The following DLGAP2 variants were observed in gnomAD, a reference collection of about 807,000 sequenced individuals.
The protein encoded by DLGAP2 is disks large-associated protein 2.
Under a neutral mutation model 100.3 loss-of-function variants are expected in DLGAP2, and 26 were observed. That is an observed-to-expected ratio of 0.26 (90% confidence interval 0.19 to 0.36). The LOEUF (loss-of-function observed/expected upper bound fraction) is 0.36. Ranked by LOEUF, DLGAP2 falls within the 10% of genes least tolerant of loss-of-function variation. DLGAP2 has a pLI of 1.00. For synonymous variants in DLGAP2, 886 were observed against 630.1 expected (o/e 1.41, Z -6.08); for missense variants, 1,858 against 1,453.2 (o/e 1.28, Z -4.53).
chr8:880,876 C>T (rs1797776273), intron 1 of DLGAP2, among the ~76,000 whole-genome samples: 1 of 152,230 alleles, frequency 6.6e-6, no homozygotes, highest in South Asian at 2.1e-4. Flanking sequence ...GGGTGGGTGC[C>T]TCCTCCATGC....
chr8:1,435,646 T>C (rs926314243), intron 3 of DLGAP2, among the ~76,000 whole-genome samples: 2 of 151,678 alleles, frequency 1.3e-5, no homozygotes, highest in African/African-American at 4.8e-5. Context: ...CTTCTGCTTG[T>C]GGAAAACCAT....
At chr8:1,362,098 C>T (rs1005081498) in intron 3 of DLGAP2, among the ~76,000 whole-genome samples, 1 of 42,334 alleles carries the variant, frequency 2.4e-5, no homozygotes. Context: ...AGCTGGGACT[C>T]GGGGAGTTAG....
intron 2 of DLGAP2, among the ~76,000 whole-genome samples, chr8:1,225,133 C>T (rs539749162): frequency 1.1e-4 from 17 of 152,320 alleles, no homozygotes; most frequent in South Asian, 2.1e-4. Context: ...GCGGGAGCGT[C>T]CATGCTCACA....
chr8:1,451,558 C>G (rs1408931760), intron 3 of DLGAP2, among the ~76,000 whole-genome samples: 1 of 152,128 alleles, frequency 6.6e-6, no homozygotes, highest in East Asian at 1.9e-4. Context: ...AGCATCGCCT[C>G]TGGCCTCATC....
In DLGAP2 at chr8:1,670,088, A is replaced by G. The variant is rs537236323; in HGVS notation, c.2202+304A>G. On this transcript the variant is annotated intron_variant, in intron 10 of 14. Coordinates refer to ENST00000637795, the MANE Select transcript of DLGAP2 (RefSeq NM_001346810.2). ...GCAGTAGAGACTGGAGAGGCCCCCAAATTAGCCAGGTGACTTCCCATTGCC... is the reference window on the plus strand; with the variant it reads ...GCAGTAGAGACTGGAGAGGCCCCCAGATTAGCCAGGTGACTTCCCATTGCC... 2.6e-5 allele frequency among the ~76,000 whole-genome samples: 4 copies of G among 151,930 alleles called. No individual in the cohort carries two copies. The East Asian group carries it at 5.8e-4, about 22-fold the overall frequency.
intron 3 of DLGAP2, among the ~76,000 whole-genome samples, chr8:1,320,658 C>A (rs978086958): frequency 1.3e-5 from 2 of 152,170 alleles, no homozygotes; most frequent in African/African-American, 4.8e-5. Flanking sequence ...TCCCCAAGCA[C>A]GACATTCTCA....
intron 1 of DLGAP2, among the ~76,000 whole-genome samples, chr8:853,609 C>T (rs1432512326): frequency 1.3e-5 from 2 of 152,210 alleles, no homozygotes; most frequent in Admixed American, 1.3e-4. Context: ...CATCCAAGTT[C>T]TCAGATATAG....
chr8:1,138,082 C>G (rs1412922557), intron 2 of DLGAP2, among the ~76,000 whole-genome samples: 2 of 152,256 alleles, frequency 1.3e-5, no homozygotes, highest in African/African-American at 4.8e-5. Context: ...CCCGCTGACA[C>G]CGGGATGGCA....
At chr8:1,583,303 A>G (rs6558485) in intron 6 of DLGAP2, among the ~76,000 whole-genome samples, 87,322 of 151,962 alleles carry the variant, frequency 0.57, 26,023 homozygotes, top group African/African-American at 0.75. Flanking sequence ...CCAGCTATTG[A>G]TGGACGCATC....
chr8:1,517,285 C>A (rs550475679), intron 4 of DLGAP2, among the ~76,000 whole-genome samples: 40 of 152,172 alleles, frequency 2.6e-4, no homozygotes, highest in African/African-American at 9.4e-4. Context: ...GAAAAAGGAC[C>A]CTGAAGAGTT....
chr8:1,061,247 G>A (rs771841003), intron 2 of DLGAP2, among the ~76,000 whole-genome samples: 45 of 152,218 alleles, frequency 3.0e-4, no homozygotes, highest in African/African-American at 5.5e-4. Flanking sequence ...GAATAGTTGC[G>A]GGGAAATTTT....
chr8:1,544,388 G>C (rs1394980300), intron 4 of DLGAP2, among the ~76,000 whole-genome samples: 1 of 152,188 alleles, frequency 6.6e-6, no homozygotes, highest in Non-Finnish European at 1.5e-5. Context: ...GGGCATCCTT[G>C]TCTTGTTCTC....
intron 5 of DLGAP2, among the ~76,000 whole-genome samples, chr8:1,550,631 G>A (rs1161472258): frequency 6.6e-6 from 1 of 152,214 alleles, no homozygotes; most frequent in Non-Finnish European, 1.5e-5. Context: ...AAAGGCCTCT[G>A]TGTCTCTGGG....
At chr8:1,427,894 T>C (rs1036810147) in intron 3 of DLGAP2, among the ~76,000 whole-genome samples, 1 of 152,182 alleles carries the variant, frequency 6.6e-6, no homozygotes, top group African/African-American at 2.4e-5. Context: ...CCATAATTCA[T>C]AACTTAACAG....
chr8:750,794 G>A (rs1223323080), intron 1 of DLGAP2, among the ~76,000 whole-genome samples: 1 of 152,192 alleles, frequency 6.6e-6, no homozygotes, highest in Non-Finnish European at 1.5e-5. Flanking sequence ...ATAATGAGAT[G>A]TAGATTCCCT....
Position 1,414,459 on chromosome 8 carries a change from C to A in DLGAP2, c.107-86907C>A, listed in dbSNP as rs541912603. Among the ~76,000 whole-genome samples the A allele has an allele frequency of 1.6e-3, 247 of 152,288 alleles. 1 individual carries two copies. The highest frequency in any genetic ancestry group is 5.7e-3 in the African/African-American group (238 of 41,566). On this transcript the variant is annotated intron_variant, in intron 3 of 14. Transcript: ENST00000637795. ...GTGTGGGAGGCAAGAGGCATGGGGA[C>A]ATGAGGGACTGACCAGGCCGGGGGT...
chr8:1,632,141 T>C (rs1245270670), intron 7 of DLGAP2, among the ~76,000 whole-genome samples: 1 of 151,548 alleles, frequency 6.6e-6, no homozygotes, highest in Non-Finnish European at 1.5e-5. Flanking sequence ...GAAAATGAAG[T>C]GAGTATACTA....
chr8:1,534,789 TGA>T (rs1801101060), intron 4 of DLGAP2, among the ~76,000 whole-genome samples: 5 of 112,304 alleles, frequency 4.5e-5, no homozygotes, highest in Admixed American at 8.9e-5. Context: ...TGTACGTGTG[TGA>T]GTGTAAGTGT....
chr8:1,590,030 C>A (rs146540333), intron 6 of DLGAP2, among the ~76,000 whole-genome samples: 1 of 152,290 alleles, frequency 6.6e-6, no homozygotes, highest in South Asian at 2.1e-4. Flanking sequence ...GCTCCCTGCA[C>A]GTCTCTAGGG....
Sources: gnomAD v4.1 joint callset for allele counts (sites outside exome capture counted in the v4.1 genomes callset) on GRCh38, gnomAD v4.1.1 for gene constraint, MANE v1.5 for transcripts, NCBI Gene and HGNC (gene_info 2026-07-23, HGNC 2026-07-21) for gene names.